Variants in SUGCT observed in about 807,000 individuals in gnomAD.
SUGCT encodes the protein succinyl-CoA:glutarate CoA-transferase.
A neutral mutation model predicts 55.0 loss-of-function variants in SUGCT; 41 were observed. The observed-to-expected ratio is 0.74, with a 90% CI of 0.58 to 0.97. The LOEUF (loss-of-function observed/expected upper bound fraction) is 0.97. SUGCT is among the 50% of genes least tolerant of loss of function. SUGCT has a pLI of 0.00. For missense variants in SUGCT, 568 were observed against 547.8 expected, an observed-to-expected ratio of 1.04 and a Z score of -0.37; for synonymous variants, 187 against 200.4, an observed-to-expected ratio of 0.93 and a Z score of 0.56.
intron 12 of SUGCT, among the ~76,000 whole-genome samples, chr7:40,672,442 G>A (rs1801987197): frequency 6.6e-6 from 1 of 152,198 alleles, no homozygotes; most frequent in African/African-American, 2.4e-5. Flanking sequence ...ATTATGCCCA[G>A]AGAAAAAGAC....
chr7:40,897,383 TTAAA>T, the SUGCT span, among the ~76,000 whole-genome samples: 2 of 151,036 alleles, frequency 1.3e-5, no homozygotes, highest in Admixed American at 1.3e-4. Flanking sequence ...GTTGCACACT[TTAAA>T]TATATACAAT....
intron 9 of SUGCT, among the ~76,000 whole-genome samples, chr7:40,346,426 A>G (rs1797310102): frequency 6.6e-6 from 1 of 152,204 alleles, no homozygotes; most frequent in Non-Finnish European, 1.5e-5. Flanking sequence ...AGAGAAAATT[A>G]CAACAGGATA....
chr7:41,035,852 C>G, the SUGCT span, among the ~76,000 whole-genome samples: 1 of 152,288 alleles, frequency 6.6e-6, no homozygotes, highest in East Asian at 1.9e-4. Context: ...CTCACAGGAA[C>G]CCCCAGCCTT....
At chr7:40,303,688 CTGTGCAAGTTAGCTTATTGCCT>C (rs1457288452) in intron 8 of SUGCT, among the ~76,000 whole-genome samples, 1 of 152,162 alleles carries the variant, frequency 6.6e-6, no homozygotes, top group African/African-American at 2.4e-5. Flanking sequence ...TTACAAAGAC[CTGTGCAAGTTAGCTTATTGCCT>C]TGTGAGAAAG....
chr7:40,283,913 A>C (rs1285234626), intron 8 of SUGCT, among the ~76,000 whole-genome samples: 3 of 152,222 alleles, frequency 2.0e-5, no homozygotes, highest in Non-Finnish European at 4.4e-5. Flanking sequence ...AATGTAAATA[A>C]TCAGATGAAT....
In SUGCT at chr7:40,249,313, C is replaced by CTATATATATATATATATATA. The variant is rs57348487; in HGVS notation, c.576+11602_576+11621dup. Among the ~76,000 whole-genome samples the CTATATATATATATATATATA allele has an allele frequency of 2.7e-3, 214 of 79,406 alleles. 1 individual carries two copies. The highest frequency in any genetic ancestry group is 6.3e-3 in the East Asian group (15 of 2,370). The allele number at this position is 79,406 out of a possible 152,430, so 52.1% of individuals were successfully genotyped here. A position where few individuals can be genotyped will look rare whatever the true frequency, so the allele number is the denominator to read the frequency against. On this transcript the variant is annotated intron_variant, in intron 7 of 13. Transcript: ENST00000335693. ...TCTTAAAACAAAAAACACCAAAAAG[C>CTATATATATATATATATATA]TATATATATATATATATATATATAT...
chr7:40,728,004 A>AGTATTCT (rs1311574109), intron 12 of SUGCT, among the ~76,000 whole-genome samples: 1 of 152,156 alleles, frequency 6.6e-6, no homozygotes, highest in Non-Finnish European at 1.5e-5. Flanking sequence ...AGATACTACA[A>AGTATTCT]GTATTCTGAG....
At chr7:40,772,538 CT>C (rs1021904407) in intron 13 of SUGCT, among the ~76,000 whole-genome samples, 7 of 150,704 alleles carry the variant, frequency 4.6e-5, no homozygotes, top group Non-Finnish European at 8.8e-5. Flanking sequence ...ATCTATCTAT[CT>C]ATCTATCTAT....
At chr7:40,424,899 A>G (rs1562767723) in intron 9 of SUGCT, among the ~76,000 whole-genome samples, 1 of 152,162 alleles carries the variant, frequency 6.6e-6, no homozygotes, top group Non-Finnish European at 1.5e-5. Flanking sequence ...TGCCAAGCAT[A>G]GAGTCAGACC....
rs144532050 is a variant in SUGCT at position 40,241,763 on chromosome 7, T to C, written c.576+4037T>C. 5.7e-3 allele frequency among the ~76,000 whole-genome samples: 871 copies of C among 151,740 alleles called. 4 individuals are homozygous for C. The highest frequency in any genetic ancestry group is 0.02 in the African/African-American group (828 of 41,350). On this transcript the variant is annotated intron_variant, in intron 7 of 13. Transcript: ENST00000335693. ...GCTGAAACCCCGTCTCTACTAAAAA[T>C]ACAGAAATTAGCTGGGCGTGGTGGT...
At chr7:40,587,094 A>AT (rs1797419905) in intron 12 of SUGCT, among the ~76,000 whole-genome samples, 1 of 152,250 alleles carries the variant, frequency 6.6e-6, no homozygotes, top group African/African-American at 2.4e-5. Flanking sequence ...TGGCAAAATT[A>AT]TAGAGACAGA....
chr7:40,620,165 T>C (rs945456058), intron 12 of SUGCT, among the ~76,000 whole-genome samples: 2 of 152,182 alleles, frequency 1.3e-5, no homozygotes, highest in Admixed American at 6.5e-5. Flanking sequence ...TACCTGACAA[T>C]TGTGATCCCC....
chr7:40,507,887 T>A (rs1408381316), intron 12 of SUGCT, among the ~76,000 whole-genome samples: 3 of 152,222 alleles, frequency 2.0e-5, no homozygotes, highest in African/African-American at 7.2e-5. Context: ...CTTGATTGTC[T>A]CTTTTCTTGA....
At chr7:40,832,823 C>T (rs749761838) in intron 13 of SUGCT, among the ~76,000 whole-genome samples, 2 of 151,966 alleles carry the variant, frequency 1.3e-5, no homozygotes, top group South Asian at 2.1e-4. Flanking sequence ...TACAGGCACC[C>T]GCTACTATGC....
At chr7:40,947,450 C>T in the SUGCT span, among the ~76,000 whole-genome samples, 4 of 149,826 alleles carry the variant, frequency 2.7e-5, no homozygotes, top group Non-Finnish European at 4.4e-5. Context: ...CTTTCTCATG[C>T]ACAAGTTCTA....
At chr7:40,460,386 G>A (rs1265994803) in intron 11 of SUGCT, among the ~76,000 whole-genome samples, 1 of 152,148 alleles carries the variant, frequency 6.6e-6, no homozygotes, top group East Asian at 1.9e-4. Flanking sequence ...ATTCTACCGC[G>A]AAGCCCCAGA....
chr7:40,622,525 G>GTTTTTTTTT (rs1240311160), intron 12 of SUGCT, among the ~76,000 whole-genome samples: 1 of 109,700 alleles, frequency 9.1e-6, no homozygotes, highest in African/African-American at 3.5e-5. Flanking sequence ...GTTTGTTGTG[G>GTTTTTTTTT]TTGTTTTTTT....
intron 1 of SUGCT, among the ~76,000 whole-genome samples, chr7:40,159,289 T>C (rs558563330): frequency 6.6e-6 from 1 of 151,840 alleles, no homozygotes; most frequent in African/African-American, 2.4e-5. Context: ...ATTTTTAGGT[T>C]TTGTGGCTGG....
intron 1 of SUGCT, chr7:40,153,279 A>T: frequency 2.5e-6 from 1 of 402,690 alleles, no homozygotes; most frequent in Non-Finnish European, 4.8e-6. Flanking sequence ...GAAGAAACTG[A>T]GCCTCAAGTG....
Sources: allele counts gnomAD v4.1 joint callset (sites outside exome capture counted in the v4.1 genomes callset), GRCh38; gene constraint gnomAD v4.1.1; transcripts MANE v1.5; gene names NCBI Gene and HGNC (gene_info 2026-07-23, HGNC 2026-07-21).